Variants in CFAP99 observed in about 807,000 individuals in gnomAD.
The protein encoded by CFAP99 is cilia and flagella associated protein 99, also known as cilia- and flagella-associated protein 99.
CFAP99 carries 84 observed loss-of-function variants against 82.7 expected under a neutral mutation model. That is an observed-to-expected ratio of 1.02 (90% CI 0.85 to 1.22). The LOEUF (loss-of-function observed/expected upper bound fraction) is 1.22. Ranked by LOEUF, CFAP99 falls within the 50% of genes most tolerant of loss-of-function variation. CFAP99 has a pLI of 0.00. For missense variants in CFAP99, 1,059 were observed against 983.5 expected, an observed-to-expected ratio of 1.08 and a Z score of -1.03; for synonymous variants, 456 against 429.5, an observed-to-expected ratio of 1.06 and a Z score of -0.76.
At chr4:2,427,182 C>A (rs1203782) in intron 2 of CFAP99, 25,308 of 155,692 alleles carry the variant, frequency 0.16, 2,221 homozygotes, top group East Asian at 0.33. Context: ...CAGCTCCTGT[C>A]CTCCCATCCC....
intron 10 of CFAP99, 87 bp downstream of exon 10, chr4:2,451,439 G>A: frequency 1.1e-5 from 14 of 1,305,484 alleles, no homozygotes; most frequent in Non-Finnish European, 1.5e-5. Flanking sequence ...GGGCTGGGCA[G>A]CTCAGTGGAG....
In CFAP99 at chr4:2,462,315, A is replaced by C; in HGVS notation, c.1662-128A>C. 5 of 962,804 alleles carry C rather than the reference A, an allele frequency of 5.2e-6. No homozygotes were observed. In the South Asian group the frequency reaches 1.1e-4, roughly 20 times the overall value. 59.6% of individuals were successfully genotyped at this position (962,804 alleles called of 1,614,324 possible). On this transcript the variant is annotated intron_variant, in intron 14 of 14. Coordinates refer to ENST00000635017, the Ensembl canonical transcript of CFAP99. The surrounding 1 kb of genome is among the most constrained non-coding windows in gnomAD (Gnocchi z 4.1). ...CCCCTGGGCCTCGCTGTCTGTCCTAAATCATTCCGGTGAACCTCTCCGGCT... is the reference window on the plus strand; with the variant it reads ...CCCCTGGGCCTCGCTGTCTGTCCTACATCATTCCGGTGAACCTCTCCGGCT...
chr4:2,458,071 C>T (rs1734477605), intron 11 of CFAP99, among the ~76,000 whole-genome samples: 1 of 152,210 alleles, frequency 6.6e-6, no homozygotes, highest in African/African-American at 2.4e-5. Flanking sequence ...CACCGCCGCC[C>T]TCTTCTGCAC....
intron 4 of CFAP99, among the ~76,000 whole-genome samples, chr4:2,441,720 C>A (rs904146168): frequency 3.9e-5 from 6 of 152,334 alleles, no homozygotes; most frequent in Non-Finnish European, 7.4e-5. Context: ...CTGGGCCATG[C>A]CTATCCCATT....
At chr4:2,430,152 C>T (rs770265470) in intron 2 of CFAP99, among the ~76,000 whole-genome samples, 1,210 of 132,962 alleles carry the variant, frequency 9.1e-3, no homozygotes, top group African/African-American at 0.039. Context: ...CTCCGGACAG[C>T]GGACTGCGGT....
intron 11 of CFAP99, among the ~76,000 whole-genome samples, chr4:2,454,581 CT>C (rs200727697): frequency 0.38 from 35,491 of 94,340 alleles, 5,054 homozygotes; most frequent in East Asian, 0.54. Flanking sequence ...TGTTTTTTTT[CT>C]TTTTTTTTTT....
intron 11 of CFAP99, among the ~76,000 whole-genome samples, 185 bp downstream of exon 11, chr4:2,452,531 C>T (rs558221307): frequency 1.3e-5 from 2 of 152,300 alleles, no homozygotes; most frequent in South Asian, 2.1e-4. Context: ...GCACGCTCAG[C>T]CTGTGTTCCC....
intron 2 of CFAP99, among the ~76,000 whole-genome samples, chr4:2,434,718 T>C (rs1365801597): frequency 2.6e-5 from 4 of 152,062 alleles, no homozygotes; most frequent in Non-Finnish European, 5.9e-5. Context: ...AAAAGGCGCA[T>C]CCCCCAATCT....
At chr4:2,419,140 G>C (rs2108702930) in intron 1 of CFAP99, 47 bp downstream of exon 1, 1 of 152,270 alleles carries the variant, frequency 6.6e-6, no homozygotes, top group African/African-American at 2.4e-5. Flanking sequence ...CGATTTTCAT[G>C]ACCTGCCGGC....
exon 10 of CFAP99, chr4:2,451,280 T>G (rs1734294379): frequency 6.5e-7 from 1 of 1,535,844 alleles, no homozygotes; most frequent in Non-Finnish European, 8.7e-7. Flanking sequence ...AACATCCTGG[T>G]CAAGCTGAAC....
intron 2 of CFAP99, among the ~76,000 whole-genome samples, chr4:2,431,715 G>A (rs1048287766): frequency 6.0e-5 from 9 of 150,594 alleles, no homozygotes; most frequent in East Asian, 3.9e-4. Context: ...ATCTTTGCCC[G>A]TCAAATAGGT....
At chr4:2,437,487 T>TG (rs370849500) in intron 3 of CFAP99, among the ~76,000 whole-genome samples, 12 of 152,214 alleles carry the variant, frequency 7.9e-5, no homozygotes, top group African/African-American at 2.6e-4. Flanking sequence ...CCAGTGCTGC[T>TG]GGGGGGAGAT....
At chr4:2,443,053 TG>T (rs1297555471) in intron 4 of CFAP99, 76 bp from the exon 5 acceptor site, 9 of 782,628 alleles carry the variant, frequency 1.1e-5, no homozygotes, top group Non-Finnish European at 1.9e-5. Flanking sequence ...GGGAGCTCAC[TG>T]GGGGTGCTGG....
At chr4:2,430,885 C>A (rs1478747304) in intron 2 of CFAP99, among the ~76,000 whole-genome samples, 3 of 151,176 alleles carry the variant, frequency 2.0e-5, no homozygotes, top group South Asian at 2.1e-4. Flanking sequence ...CCAGCCTAGG[C>A]CACACAGTGA....
chr4:2,442,765 G>A (rs949952320), intron 4 of CFAP99, among the ~76,000 whole-genome samples: 1 of 152,202 alleles, frequency 6.6e-6, no homozygotes, highest in Non-Finnish European at 1.5e-5. Flanking sequence ...GACCCCGGGG[G>A]CTGCTCCTCC....
chr4:2,419,162 C>T, intron 1 of CFAP99, 69 bp downstream of exon 1: 1 of 152,218 alleles, frequency 6.6e-6, no homozygotes, highest in Non-Finnish European at 1.5e-5. Flanking sequence ...GGTTCCCTCT[C>T]GCTCGCTGCT....
intron 4 of CFAP99, among the ~76,000 whole-genome samples, chr4:2,440,588 C>CA (rs1161965527): frequency 1.3e-5 from 2 of 151,336 alleles, no homozygotes; most frequent in African/African-American, 4.8e-5. Context: ...CCCATCTCTA[C>CA]AAAAAAATAT....
At position 2,448,535 on chromosome 4, in the gene CFAP99, G is replaced by A. The variant is rs747082555; in HGVS notation, c.643-1135G>A. Among the ~76,000 whole-genome samples the A allele has an allele frequency of 1.4e-4, 22 of 152,224 alleles. No individual in the cohort carries two copies. Among genetic ancestry groups the A allele is most frequent in the Admixed American group, 2.6e-4 (4 of 15,280 alleles). ...CAAAGGAGATAAGACGTGTTGGAGC[G>A]GTTGTGATTCTGGATTGTGTGGCCT... is the stretch of plus-strand genomic sequence containing the variant. On this transcript the variant is annotated intron_variant, in intron 6 of 14. Transcript: ENST00000635017. The surrounding 1 kb of genome is among the most constrained non-coding windows in gnomAD (Gnocchi z 5.2).
chr4:2,444,481 C>T (rs1734118426), intron 5 of CFAP99, among the ~76,000 whole-genome samples: 2 of 152,304 alleles, frequency 1.3e-5, no homozygotes, highest in South Asian at 4.1e-4. Context: ...GAAGCCATGC[C>T]CTCTGCCCCC....
Sources: gnomAD v4.1 joint callset for allele counts (sites outside exome capture counted in the v4.1 genomes callset) on GRCh38, gnomAD v4.1.1 for gene constraint, Gnocchi (gnomAD v3.1) non-coding constraint, MANE v1.5 for transcripts, NCBI Gene and HGNC (gene_info 2026-07-23, HGNC 2026-07-21) for gene names.